THOC2: variants seen among roughly 807,000 people sequenced by gnomAD.
THOC2 encodes THO complex subunit 2, also known as THO complex 2.
A neutral mutation model predicts 128.4 loss-of-function variants in THOC2; 10 were observed. The ratio of observed to expected loss-of-function variants is 0.08; its 90% CI spans 0.05 to 0.13. THOC2 has a LOEUF of 0.13. Ranked by LOEUF, THOC2 falls within the 10% of genes least tolerant of loss-of-function variation. The probability of loss-of-function intolerance (pLI) is 1.00; values close to 1 mark genes in which losing one functional copy is unlikely to be tolerated. For synonymous variants in THOC2, 393 were observed against 396.9 expected (o/e 0.99, Z 0.12); for missense variants, 535 against 1,155.7 (o/e 0.46, Z 7.79).
chrX:123,680,757 G>C (rs1353973228), intron 8 of THOC2, among the ~76,000 whole-genome samples: 1 of 111,478 alleles, frequency 9.0e-6, no homozygotes, highest in Non-Finnish European at 1.9e-5. Flanking sequence ...TTTTCCCTAA[G>C]TTGGTGACAA....
chrX:123,623,210 G>A lies in THOC2; in HGVS notation c.3577C>T (p.Pro1193Ser). ...TGCACACTGGCAACTGCATTCCTCG[G>A]AGGGGGGTCTTTGTGATGAAACTCA... ...ENEFHHKDPPPRNAVASVQNG... is the reference protein window; with the variant it reads ...ENEFHHKDPPSRNAVASVQNG... The change falls in exon 29 of 39, where the codon CCG (proline) becomes TCG (serine). Residue 1193 changes from proline (P) to serine (S), a missense_variant. Physicochemically the swap from Pro to Ser is moderately conservative, Grantham distance 74. Coordinates refer to ENST00000245838, the MANE Select transcript of THOC2 (RefSeq NM_001081550.2). 8.3e-7 allele frequency: 1 copy of A among 1,210,988 alleles called. No homozygotes were observed. The highest frequency in any genetic ancestry group is 1.1e-6 in the Non-Finnish European group (1 of 895,162).
chrX:123,621,158 C>T lies in THOC2; in HGVS notation c.4215G>A (p.Arg1405=), dbSNP rs780827356. Residue 1405 remains arginine, a splice_region_variant and synonymous_variant, in exon 31 of 39, where the codon AGG becomes AGA. Coordinates refer to ENST00000245838, the MANE Select transcript of THOC2 (RefSeq NM_001081550.2). ...ACGTATAAAGAAAGGTAAACTTGCCCCTTTCAGGCTCTGGAATATCTGATC... is the reference window on the plus strand; with the variant it reads ...ACGTATAAAGAAAGGTAAACTTGCCTCTTTCAGGCTCTGGAATATCTGATC... ...VPRSDIPEPE[R]EQKRRKIDTH... 48 of 1,192,106 alleles carry T rather than the reference C, an allele frequency of 4.0e-5. No individual in the cohort carries two copies. The highest frequency in any genetic ancestry group is 5.2e-5 in the Non-Finnish European group (46 of 889,390).
intron 12 of THOC2, among the ~76,000 whole-genome samples, chrX:123,651,954 C>T (rs1014196786): frequency 2.7e-5 from 3 of 111,536 alleles, no homozygotes; most frequent in Admixed American, 9.6e-5. Context: ...TTTTACGAGG[C>T]CAGCATCATC....
At chrX:123,696,631 A>G (rs1327998092) in intron 6 of THOC2, 90 bp downstream of exon 6, 1 of 932,395 alleles carries the variant, frequency 1.1e-6, no homozygotes, top group Non-Finnish European at 1.4e-6. Flanking sequence ...AACAATCTTC[A>G]AAGTCCCCTT....
At chrX:123,694,532 C>T (rs979951687) in intron 7 of THOC2, among the ~76,000 whole-genome samples, 13 of 108,372 alleles carry the variant, frequency 1.2e-4, no homozygotes, top group African/African-American at 4.4e-4. Flanking sequence ...TGCTTGAACC[C>T]GGGAGGCAGA....
At chrX:123,617,251 C>T (rs1327622532) in intron 33 of THOC2, among the ~76,000 whole-genome samples, 1 of 111,304 alleles carries the variant, frequency 9.0e-6, no homozygotes, top group Non-Finnish European at 1.9e-5. Context: ...AACCTTACTG[C>T]CAGGCACCAT....
At chrX:123,668,042 G>C in intron 10 of THOC2, 117 bp downstream of exon 10, 1 of 510,617 alleles carries the variant, frequency 2.0e-6, no homozygotes. Context: ...CAGAAAATGA[G>C]GTTTCAGCAA....
chrX:123,638,659 A>T (rs1177249055), intron 17 of THOC2, among the ~76,000 whole-genome samples: 2 of 108,599 alleles, frequency 1.8e-5, no homozygotes, highest in African/African-American at 6.7e-5. Context: ...AGTCTGTCTC[A>T]CACACACAAA....
chrX:123,697,972 C>T (rs1237872247), intron 4 of THOC2, among the ~76,000 whole-genome samples: 1 of 110,931 alleles, frequency 9.0e-6, no homozygotes, highest in African/African-American at 3.3e-5. Flanking sequence ...TAAAACAGTA[C>T]ATCAACTACA....
chrX:123,638,299 A>G (rs1275156963), intron 17 of THOC2, among the ~76,000 whole-genome samples, 176 bp from the exon 18 acceptor site: 2 of 112,440 alleles, frequency 1.8e-5, no homozygotes, highest in African/African-American at 6.5e-5. Flanking sequence ...CTGTAGTACC[A>G]ACATTTCTTC....
chrX:123,629,140 T>G, intron 22 of THOC2, among the ~76,000 whole-genome samples: 1 of 106,412 alleles, frequency 9.4e-6, no homozygotes, highest in East Asian at 2.9e-4. Context: ...CAAAAATATA[T>G]ATATTTTTTC....
chrX:123,668,788 T>G (rs758715857), intron 9 of THOC2, among the ~76,000 whole-genome samples: 5 of 111,772 alleles, frequency 4.5e-5, no homozygotes, highest in African/African-American at 1.6e-4. Flanking sequence ...AGTAGAAAAA[T>G]TATTAGTAAC....
intron 16 of THOC2, 67 bp downstream of exon 16, chrX:123,640,471 C>T: frequency 2.6e-6 from 2 of 765,140 alleles, no homozygotes; most frequent in Non-Finnish European, 3.8e-6. Context: ...ATTCTATTTC[C>T]ACTTGCACTG....
chrX:123,696,738 T>C lies in THOC2; in HGVS notation c.450A>G (p.Lys150=), dbSNP rs780759048. The C allele has an allele frequency of 1.7e-6, 2 of 1,204,277 alleles. No homozygotes were observed. Among genetic ancestry groups the C allele is most frequent in the Admixed American group, 2.2e-5 (1 of 45,152 alleles). ...GTACTTACAAGAGTTTTGTCTTGAT[T>C]TTAACTGACTTTTGATTGAATTGCT... ...QSQQFNQKSV[K]IKTKLFYKQQ... is the part of the protein sequence containing the mutation. Residue 150 remains lysine (K), a synonymous_variant, in exon 6 of 39, where the codon AAA becomes AAG. Transcript: ENST00000245838.
rs1333192137 is a variant in THOC2, at chrX:123,655,449, T to C, written c.1387-10074A>G. Among the ~76,000 whole-genome samples, 5 of 112,120 alleles carry C rather than the reference T, an allele frequency of 4.5e-5. 1 individual carries two copies. In the Middle Eastern group the frequency reaches 0.018, roughly 413 times the overall value. On this transcript the variant is annotated intron_variant, in intron 12 of 38. Coordinates refer to ENST00000245838, the MANE Select transcript of THOC2 (RefSeq NM_001081550.2). ...GGAACTACTGGTCTAAGGCACATTCTCCTTGCAATCCAAATTTTTATTATG... is the reference window on the plus strand; with the variant it reads ...GGAACTACTGGTCTAAGGCACATTCCCCTTGCAATCCAAATTTTTATTATG...
chrX:123,611,237 C>T (rs1439715284), intron 37 of THOC2, among the ~76,000 whole-genome samples: 2 of 111,379 alleles, frequency 1.8e-5, no homozygotes, highest in East Asian at 5.6e-4. Flanking sequence ...TCTCAGTCAC[C>T]ACAGAAGTAT....
In THOC2 at chrX:123,627,640, A is replaced by T. The variant is rs1159087610; in HGVS notation, c.2757+53T>A. The T allele has an allele frequency of 7.2e-6, 8 of 1,109,820 alleles. No homozygotes were observed. In the Admixed American group the frequency reaches 1.9e-4, roughly 26 times the overall value. 91.5% of individuals were successfully genotyped at this position (1,109,820 alleles called of 1,213,427 possible). A position where few individuals can be genotyped will look rare whatever the true frequency, so the allele number is the denominator to read the frequency against. ...GCTAAAACAATTTCAAAATATAGGT[A>T]ACATTGAATACCATAAAGTTATTGC... On this transcript the variant is annotated intron_variant, in intron 23 of 38. Coordinates refer to ENST00000245838, the MANE Select transcript of THOC2 (RefSeq NM_001081550.2).
At chrX:123,658,704 G>C (rs775177283) in intron 12 of THOC2, among the ~76,000 whole-genome samples, 1 of 112,023 alleles carries the variant, frequency 8.9e-6, no homozygotes, top group Non-Finnish European at 1.9e-5. Flanking sequence ...GAGGAGAGAG[G>C]GATAAATGAG....
rs372045393 is a variant in THOC2 at position 123,624,527 on chromosome X, T to G, written c.3186+14A>C. The G allele has an allele frequency of 8.3e-7, 1 of 1,201,106 alleles. No individual in the cohort carries two copies. The highest frequency in any genetic ancestry group is 1.7e-5 in the African/African-American group (1 of 57,458). On this transcript the variant is annotated intron_variant, in intron 26 of 38. Coordinates refer to ENST00000245838, the MANE Select transcript of THOC2 (RefSeq NM_001081550.2). ...TATACATGGGTAAAATATAAGGGTT[T>G]TTATTAGTCATACCTTTTCATATGT...
Sources: allele counts gnomAD v4.1 joint callset (sites outside exome capture counted in the v4.1 genomes callset), GRCh38; gene constraint gnomAD v4.1.1; transcripts MANE v1.5; gene names NCBI Gene and HGNC (gene_info 2026-07-23, HGNC 2026-07-21).